Variants in VTI1A observed in about 807,000 individuals in gnomAD.
The protein encoded by VTI1A is vesicle transport through interaction with t-SNAREs 1A.
VTI1A carries 22 observed loss-of-function variants against 34.9 expected under a neutral mutation model. That is an observed-to-expected ratio of 0.63 (90% confidence interval 0.45 to 0.90). The LOEUF is 0.90. Ranked by LOEUF, VTI1A falls within the 40% of genes least tolerant of loss-of-function variation. The probability of loss-of-function intolerance (pLI) is 0.00; values close to 1 mark genes in which losing one functional copy is unlikely to be tolerated. For missense variants in VTI1A, 268 were observed against 275.6 expected, an observed-to-expected ratio of 0.97 and a Z score of 0.20; for synonymous variants, 87 against 97.3, an observed-to-expected ratio of 0.89 and a Z score of 0.62.
rs953565254 is a variant in VTI1A, at chr10:112,495,351, T to C, written c.264+30694T>C. ...TAACTGCTAATGCTTTTTCCTCGTT[T>C]GCTTTCTCTCTAGGAGAGGGATTCT... On this transcript the variant is annotated intron_variant, in intron 3 of 7. Coordinates refer to ENST00000393077, the MANE Select transcript of VTI1A (RefSeq NM_145206.4). Among the ~76,000 whole-genome samples, 8 of 152,214 alleles carry C rather than the reference T, an allele frequency of 5.3e-5. No individual in the cohort carries two copies. The East Asian group carries it at 9.7e-4, about 18-fold the overall frequency.
chr10:112,854,180 A>G, the VTI1A span, among the ~76,000 whole-genome samples: 5 of 152,324 alleles, frequency 3.3e-5, no homozygotes, highest in African/African-American at 1.2e-4. Context: ...TGGGTTCCAC[A>G]GGAAACACAC....
rs1164918787 is a variant in VTI1A at position 112,816,193 on chromosome 10, T to C, written c.*810T>C. Reference sequence around the variant, plus strand: ...TGTAAGCATCTCTGTATCCTTTCGGTTTTAATATCTGCACTGCCAAAAGCA... The same window carrying C: ...TGTAAGCATCTCTGTATCCTTTCGGCTTTAATATCTGCACTGCCAAAAGCA... On this transcript the variant is annotated 3_prime_UTR_variant, in exon 8 of 8. Transcript: ENST00000393077. 4.6e-6 allele frequency: 1 copy of C among 217,228 alleles called. No homozygotes were observed. The highest frequency in any genetic ancestry group is 5.8e-5 in the Admixed American group (1 of 17,214). The allele number at this position is 217,228 out of a possible 1,614,324, so 13.5% of individuals were successfully genotyped here. A position where few individuals can be genotyped will look rare whatever the true frequency, so the allele number is the denominator to read the frequency against.
At chr10:112,800,322 C>G (rs577755877) in intron 7 of VTI1A, among the ~76,000 whole-genome samples, 1 of 152,180 alleles carries the variant, frequency 6.6e-6, no homozygotes, top group Non-Finnish European at 1.5e-5. Flanking sequence ...TAATCAGGAC[C>G]AAGGCCAGAT....
intron 4 of VTI1A, among the ~76,000 whole-genome samples, chr10:112,537,059 G>A (rs374134274): frequency 3.3e-5 from 5 of 151,684 alleles, no homozygotes; most frequent in Non-Finnish European, 7.4e-5. Context: ...CGTTTCGCTC[G>A]ACAGCCACTC....
chr10:112,524,358 CTG>C (rs1850142045), intron 3 of VTI1A, among the ~76,000 whole-genome samples: 1 of 152,088 alleles, frequency 6.6e-6, no homozygotes, highest in Admixed American at 6.6e-5. Flanking sequence ...TCATGAGGAA[CTG>C]TTTCTGATAT....
chr10:112,637,611 A>G (rs889628874), intron 5 of VTI1A, among the ~76,000 whole-genome samples: 2 of 152,136 alleles, frequency 1.3e-5, no homozygotes, highest in East Asian at 3.9e-4. Flanking sequence ...GTGTGCCGAG[A>G]TCGCGCTACT....
At chr10:112,581,205 T>TGAGGATGCA (rs1403114656) in intron 5 of VTI1A, among the ~76,000 whole-genome samples, 1 of 152,170 alleles carries the variant, frequency 6.6e-6, no homozygotes, top group Non-Finnish European at 1.5e-5. Flanking sequence ...CCTCTGGGAT[T>TGAGGATGCA]GCAGTGGGCT....
rs190749528 is a variant in VTI1A, at chr10:112,528,727, T to C, written c.342+1563T>C. Reference sequence around the variant, plus strand: ...CAAAAAAGTGAATGCGTAGTTCCCATGTCAGTTCTTTAAACAGCTATAGAT... The same window carrying C: ...CAAAAAAGTGAATGCGTAGTTCCCACGTCAGTTCTTTAAACAGCTATAGAT... On this transcript the variant is annotated intron_variant, in intron 4 of 7. Coordinates refer to ENST00000393077, the MANE Select transcript of VTI1A (RefSeq NM_145206.4). Among the ~76,000 whole-genome samples, 20 of 152,294 alleles carry C rather than the reference T, an allele frequency of 1.3e-4. No homozygotes were observed. In the East Asian group the frequency reaches 2.5e-3, roughly 19 times the overall value.
chr10:112,502,312 G>A (rs1225727823), intron 3 of VTI1A, among the ~76,000 whole-genome samples: 2 of 151,956 alleles, frequency 1.3e-5, no homozygotes, highest in African/African-American at 4.8e-5. Context: ...GAGATTACAG[G>A]CGTGAACTAC....
chr10:112,706,545 A>G (rs546936100), intron 7 of VTI1A, among the ~76,000 whole-genome samples: 1 of 152,318 alleles, frequency 6.6e-6, no homozygotes, highest in African/African-American at 2.4e-5. Context: ...TTAAAGGGAT[A>G]TAATCTCTAA....
chr10:112,623,877 T>G (rs1033138048), intron 5 of VTI1A, among the ~76,000 whole-genome samples: 1 of 152,198 alleles, frequency 6.6e-6, no homozygotes, highest in Admixed American at 6.5e-5. Context: ...GAACTGATTA[T>G]AAACAGGTTA....
chr10:112,609,675 A>G (rs12763623), intron 5 of VTI1A, among the ~76,000 whole-genome samples: 17,127 of 152,238 alleles, frequency 0.11, 1,315 homozygotes, highest in Non-Finnish European at 0.17. Context: ...TTGTCATCAT[A>G]AAATTATTTT....
chr10:112,848,526 A>T, the VTI1A span, among the ~76,000 whole-genome samples: 1 of 152,224 alleles, frequency 6.6e-6, no homozygotes, highest in African/African-American at 2.4e-5. Context: ...TCTCATGAGA[A>T]ACAACAGAAG....
At chr10:112,657,323 C>T (rs1382397361) in intron 5 of VTI1A, among the ~76,000 whole-genome samples, 3 of 152,232 alleles carry the variant, frequency 2.0e-5, no homozygotes, top group East Asian at 1.9e-4. Context: ...TTCAGTATAT[C>T]TATACTTTCT....
chr10:112,492,617 C>A (rs1236905547), intron 3 of VTI1A, among the ~76,000 whole-genome samples: 1 of 151,990 alleles, frequency 6.6e-6, no homozygotes, highest in Non-Finnish European at 1.5e-5. Flanking sequence ...GAGACCCTGT[C>A]TCTACAAAAA....
intron 5 of VTI1A, among the ~76,000 whole-genome samples, chr10:112,539,125 T>C (rs1326413929): frequency 1.3e-5 from 2 of 152,216 alleles, no homozygotes; most frequent in African/African-American, 4.8e-5. Context: ...GCTTTTTATT[T>C]TGTTTTGTCA....
chr10:112,709,248 G>A (rs1186084988), intron 7 of VTI1A, among the ~76,000 whole-genome samples: 1 of 152,078 alleles, frequency 6.6e-6, no homozygotes, highest in African/African-American at 2.4e-5. Context: ...TGGTTGCTTT[G>A]CTGACAAACA....
At chr10:112,631,050 A>G (rs918362069) in intron 5 of VTI1A, among the ~76,000 whole-genome samples, 1 of 151,702 alleles carries the variant, frequency 6.6e-6, no homozygotes, top group African/African-American at 2.4e-5. Context: ...TGAACCCGGG[A>G]GCCGGGAGGT....
At chr10:112,845,740 G>A in the VTI1A span, among the ~76,000 whole-genome samples, 1 of 152,136 alleles carries the variant, frequency 6.6e-6, no homozygotes, top group African/African-American at 2.4e-5. Context: ...GTGGGGGGCC[G>A]GACATGGTGG....
Sources: gnomAD v4.1 joint callset for allele counts (sites outside exome capture counted in the v4.1 genomes callset) on GRCh38, gnomAD v4.1.1 for gene constraint, MANE v1.5 for transcripts, NCBI Gene and HGNC (gene_info 2026-07-23, HGNC 2026-07-21) for gene names.